The following AKAP9 variants were observed in gnomAD, a reference collection of about 807,000 sequenced individuals.
AKAP9 encodes the protein A-kinase anchoring protein 9, also known as A-kinase anchor protein 9.
AKAP9 carries 311 observed loss-of-function variants against 488.5 expected under a neutral mutation model. The observed-to-expected ratio is 0.64, with a 90% CI of 0.58 to 0.70. AKAP9 has a LOEUF of 0.70. Among genes scored for constraint, AKAP9 ranks in the 30% least tolerant of loss-of-function variants. The probability of loss-of-function intolerance (pLI) is 0.00; values close to 1 mark genes in which losing one functional copy is unlikely to be tolerated. For missense variants in AKAP9, 4,215 were observed against 4,374.5 expected (o/e 0.96, Z 1.03); for synonymous variants, 1,462 against 1,483.5 (o/e 0.99, Z 0.33).
chr7:92,059,800 T>A (rs891870994), intron 22 of AKAP9, among the ~76,000 whole-genome samples: 7 of 151,818 alleles, frequency 4.6e-5, no homozygotes, highest in Non-Finnish European at 4.4e-5. Flanking sequence ...CATACTTTAT[T>A]GTTATGTTTC....
Position 92,066,517 on chromosome 7 carries a change from C to T in AKAP9, c.6301C>T (p.Gln2101Ter). 1 of 1,613,474 alleles carries T rather than the reference C, an allele frequency of 6.2e-7. No individual in the cohort carries two copies. The highest frequency in any genetic ancestry group is 8.5e-7 in the Non-Finnish European group (1 of 1,179,598). Residue 2101 changes from glutamine (Q) to a stop codon, truncating the protein, a stop_gained, in exon 26 of 50, where the codon CAG (glutamine) becomes TAG (stop). Coordinates refer to ENST00000356239, the MANE Select transcript of AKAP9 (RefSeq NM_005751.5). LOFTEE classifies it high-confidence loss of function. ...GCAACTTAAGGTTGTTCCTCGATTC[C>T]AGCCTATCAGTGAACATCAAACTAG... ...EQQLKVVPRF[Q>*]PISEHQTREV...
chr7:92,081,836 A>G (rs1294940090), intron 31 of AKAP9, among the ~76,000 whole-genome samples: 1 of 152,180 alleles, frequency 6.6e-6, no homozygotes, highest in Non-Finnish European at 1.5e-5. Context: ...GTCTTCTCCA[A>G]ACACCAGAAG....
chr7:92,012,672 T>C (rs1584109559), intron 9 of AKAP9, 30 bp downstream of exon 9: 1 of 1,546,078 alleles, frequency 6.5e-7, no homozygotes, highest in South Asian at 1.1e-5. Context: ...ATAAGTACCA[T>C]GATCCAAATA....
intron 2 of AKAP9, among the ~76,000 whole-genome samples, chr7:91,979,426 C>T (rs915291158): frequency 2.0e-5 from 3 of 152,250 alleles, no homozygotes; most frequent in Admixed American, 6.5e-5. Context: ...ATTTACTTAT[C>T]TCCCACCAGG....
At chr7:91,984,297 A>T (rs931050339) in intron 3 of AKAP9, among the ~76,000 whole-genome samples, 3 of 152,114 alleles carry the variant, frequency 2.0e-5, no homozygotes, top group African/African-American at 7.2e-5. Context: ...ATCTTGAATT[A>T]ATTTTTGTAT....
At chr7:92,078,720 A>G in intron 30 of AKAP9, among the ~76,000 whole-genome samples, 1 of 152,258 alleles carries the variant, frequency 6.6e-6, no homozygotes, top group South Asian at 2.1e-4. Context: ...CAAATCTATT[A>G]TAAATTATAA....
At chr7:91,981,257 G>T (rs1796372098) in intron 3 of AKAP9, among the ~76,000 whole-genome samples, 1 of 152,112 alleles carries the variant, frequency 6.6e-6, no homozygotes, top group South Asian at 2.1e-4. Flanking sequence ...GGCGCATACA[G>T]TTGGCCCTCC....
At chr7:92,052,294 G>T (rs1379555007) in intron 21 of AKAP9, among the ~76,000 whole-genome samples, 7 of 152,078 alleles carry the variant, frequency 4.6e-5, no homozygotes, top group African/African-American at 1.7e-4. Flanking sequence ...AATTTGAAAT[G>T]GCCTACTCCA....
chr7:92,091,592 A>C (rs1256606336), intron 38 of AKAP9, among the ~76,000 whole-genome samples: 2 of 150,424 alleles, frequency 1.3e-5, no homozygotes, highest in Non-Finnish European at 3.0e-5. Flanking sequence ...TCTCAAAAAA[A>C]AAAAACAAAA....
intron 38 of AKAP9, chr7:92,092,659 G>A (rs1271709205): frequency 6.4e-6 from 1 of 156,642 alleles, no homozygotes; most frequent in African/African-American, 2.4e-5. Flanking sequence ...CTTTTTGTTT[G>A]TTTTTTTGAG....
At position 92,052,761 on chromosome 7, in the gene AKAP9, G is replaced by A. The variant is rs142263098; in HGVS notation, c.5404G>A (p.Asp1802Asn). ...ATCCATTCCCTCTTATTCTGGAAGT[G>A]ATATGCCAAGAAATGACATTAACAT... ...DESIPSYSGSDMPRNDINMWS... is the reference protein window; with the variant it reads ...DESIPSYSGSNMPRNDINMWS... Residue 1802 changes from aspartate to asparagine, a missense_variant, in exon 22 of 50, where the codon GAT (aspartate) becomes AAT (asparagine). Around this residue, in one of 5 missense-constraint regions of AKAP9, gnomAD observed 2,361 missense variants for 2,430.0 expected, o/e 0.97. Transcript: ENST00000356239. The A allele has an allele frequency of 6.2e-5, 100 of 1,613,374 alleles. No individual in the cohort carries two copies. Among genetic ancestry groups the A allele is most frequent in the Middle Eastern group, 1.6e-4 (1 of 6,082 alleles).
intron 1 of AKAP9, chr7:91,970,423 G>A (rs374576945): frequency 1.5e-4 from 70 of 452,502 alleles, no homozygotes; most frequent in Non-Finnish European, 2.8e-4. Context: ...CTAGTGGGTT[G>A]TATACCTTTA....
chr7:91,982,166 CGTAT>C (rs201231009), intron 3 of AKAP9, among the ~76,000 whole-genome samples: 10,555 of 150,280 alleles, frequency 0.07, 397 homozygotes, highest in Non-Finnish European at 0.086. Context: ...ATTTTACGTA[CGTAT>C]GTATGTATGT....
intron 32 of AKAP9, 66 bp downstream of exon 32, chr7:92,082,728 A>G (rs1175859915): frequency 8.5e-6 from 13 of 1,533,606 alleles, no homozygotes; most frequent in South Asian, 2.3e-5. Context: ...TTCAAAGTAT[A>G]TACTCTTTTA....
intron 22 of AKAP9, among the ~76,000 whole-genome samples, chr7:92,053,672 G>T (rs1293946637): frequency 6.6e-6 from 1 of 152,130 alleles, no homozygotes. Flanking sequence ...GTGTTATTTA[G>T]CTTCTTCTGT....
intron 3 of AKAP9, among the ~76,000 whole-genome samples, chr7:91,989,727 CTT>C (rs754291573): frequency 1.3e-5 from 2 of 151,940 alleles, no homozygotes; most frequent in Admixed American, 6.6e-5. Flanking sequence ...ACATTGAACT[CTT>C]ATAATTTTCA....
At chr7:92,011,138 G>C (rs945672951) in intron 8 of AKAP9, among the ~76,000 whole-genome samples, 1 of 152,190 alleles carries the variant, frequency 6.6e-6, no homozygotes, top group Non-Finnish European at 1.5e-5. Context: ...TTAATATCAA[G>C]TATAGAATAA....
At chr7:91,964,464 A>G (rs545550082) in intron 1 of AKAP9, among the ~76,000 whole-genome samples, 2 of 152,264 alleles carry the variant, frequency 1.3e-5, no homozygotes, top group South Asian at 4.1e-4. Context: ...GTCTATCCTG[A>G]TCCAGTATTA....
intron 3 of AKAP9, 26 bp downstream of exon 3, chr7:91,980,359 A>G: frequency 1.6e-6 from 2 of 1,236,572 alleles, no homozygotes; most frequent in East Asian, 2.4e-5. Flanking sequence ...ATTGATTTCT[A>G]ATATCATAAA....
Sources: allele counts gnomAD v4.1 joint callset (sites outside exome capture counted in the v4.1 genomes callset), GRCh38; gene constraint gnomAD v4.1.1; regional missense constraint gnomAD v4.1.1; transcripts MANE v1.5; gene names NCBI Gene and HGNC (gene_info 2026-07-23, HGNC 2026-07-21).